NCOA7: variants seen among roughly 807,000 people sequenced by gnomAD.
NCOA7 encodes the protein 140 kDa estrogen receptor-associated protein.
In NCOA7, 45 loss-of-function variants were observed where a neutral mutation model predicts 104.3. The observed-to-expected ratio is 0.43, with a 90% confidence interval of 0.34 to 0.55. NCOA7 has a LOEUF of 0.55. NCOA7 is among the 20% of genes least tolerant of loss of function. NCOA7 has a pLI of 0.02. For missense variants in NCOA7, 1,041 were observed against 1,119.7 expected (o/e 0.93, Z 1.00); for synonymous variants, 398 against 402.3 (o/e 0.99, Z 0.13).
At chr6:125,915,595 A>C in intron 11 of NCOA7, 115 bp downstream of exon 11, 1 of 1,273,188 alleles carries the variant, frequency 7.9e-7, no homozygotes, top group Non-Finnish European at 1.1e-6. Flanking sequence ...GCACCTATGA[A>C]ATTACAGAGG....
At chr6:125,879,433 T>A (rs1444248366) in intron 5 of NCOA7, among the ~76,000 whole-genome samples, 1 of 152,234 alleles carries the variant, frequency 6.6e-6, no homozygotes. Context: ...TCAGAGTCAC[T>A]TTTATGGCCC....
chr6:125,902,966 C>T (rs778087712), intron 10 of NCOA7, among the ~76,000 whole-genome samples: 4 of 152,176 alleles, frequency 2.6e-5, no homozygotes, highest in Non-Finnish European at 4.4e-5. Context: ...GTTGCTGCTG[C>T]TGCTGCTATT....
Position 125,889,005 on chromosome 6 carries a change from G to T in NCOA7, c.951G>T (p.Lys317Asn). 1.9e-6 allele frequency: 3 copies of T among 1,614,004 alleles called. No individual in the cohort carries two copies. Among genetic ancestry groups the T allele is most frequent in the Non-Finnish European group, 2.5e-6 (3 of 1,179,960 alleles). Residue 317 changes from lysine to asparagine, a missense_variant, in exon 9 of 16, where the codon AAG (lysine) becomes AAT (asparagine). Around this residue, in one of 2 missense-constraint regions of NCOA7, gnomAD observed 914 missense variants for 942.7 expected, o/e 0.97. Coordinates refer to ENST00000392477, the MANE Select transcript of NCOA7 (RefSeq NM_181782.5). ...AATGGGAAGACCTGGCTTCAGAAAA[G>T]GATATCAACCCATTCAGTAAGTTCA... ...PGEWEDLASE[K>N]DINPFSKFKS...
At chr6:125,785,901 T>TAC (rs935815032) in intron 1 of NCOA7, among the ~76,000 whole-genome samples, 18 of 152,240 alleles carry the variant, frequency 1.2e-4, no homozygotes, top group African/African-American at 4.1e-4. Flanking sequence ...TCTTTCTCAG[T>TAC]ACACTCTGGT....
At chr6:125,895,790 C>T (rs925172637) in intron 10 of NCOA7, among the ~76,000 whole-genome samples, 1 of 151,922 alleles carries the variant, frequency 6.6e-6, no homozygotes, top group African/African-American at 2.4e-5. Context: ...ACCCAGATCT[C>T]GGGAGAACCC....
In NCOA7 at chr6:125,835,679, G is replaced by C. The variant is rs749220327; in HGVS notation, c.51-19341G>C. Among the ~76,000 whole-genome samples, 17 of 152,212 alleles carry C rather than the reference G, an allele frequency of 1.1e-4. 1 individual carries two copies. Among genetic ancestry groups the C allele is most frequent in the Non-Finnish European group, 2.4e-4 (16 of 68,042 alleles). The stretch of plus-strand genomic sequence containing the variant: ...AACTTAGAGCCGGTGCTAGGTTTTG[G>C]AGTAGTGGCTGCCACTGGCAGAGGC... On this transcript the variant is annotated intron_variant, in intron 2 of 15. Transcript: ENST00000392477.
At chr6:125,818,696 A>G (rs758953072) in intron 2 of NCOA7, 4 of 152,406 alleles carry the variant, frequency 2.6e-5, no homozygotes, top group South Asian at 2.1e-4. Flanking sequence ...ACCAAAGAGA[A>G]AAGAACCCCC....
At chr6:125,819,331 CCTTT>C (rs1402975090) in intron 2 of NCOA7, among the ~76,000 whole-genome samples, 4 of 151,858 alleles carry the variant, frequency 2.6e-5, no homozygotes, top group Admixed American at 1.3e-4. Flanking sequence ...CCCAGTCTTT[CCTTT>C]CTTATAATTT....
At chr6:125,850,004 T>C (rs944668929) in intron 2 of NCOA7, among the ~76,000 whole-genome samples, 4 of 152,194 alleles carry the variant, frequency 2.6e-5, no homozygotes, top group Admixed American at 6.5e-5. Flanking sequence ...TTTCAGTTTA[T>C]CTTAAGTTAA....
intron 2 of NCOA7, among the ~76,000 whole-genome samples, chr6:125,819,686 G>A (rs1384966498): frequency 6.6e-6 from 1 of 152,146 alleles, no homozygotes; most frequent in Non-Finnish European, 1.5e-5. Context: ...TACAATTTAT[G>A]CTATCCTCTG....
rs150517539 is a variant in NCOA7 at position 125,870,650 on chromosome 6, C to G, written c.272-4239C>G. ...CTTCACATCTGGCTGTCATGCCCCT[C>G]CAGGCCCCAGGCATACTGCTAGGTA... On this transcript the variant is annotated intron_variant, in intron 3 of 15. Transcript: ENST00000392477. Among the ~76,000 whole-genome samples the G allele has an allele frequency of 2.4e-3, 361 of 152,330 alleles. 1 individual carries two copies. Among genetic ancestry groups the G allele is most frequent in the African/African-American group, 8.2e-3 (339 of 41,574 alleles).
At chr6:125,874,565 A>G (rs895637543) in intron 3 of NCOA7, among the ~76,000 whole-genome samples, 6 of 152,314 alleles carry the variant, frequency 3.9e-5, no homozygotes, top group Admixed American at 2.6e-4. Context: ...GACTGTACTC[A>G]TTTACATTAG....
At position 125,928,963 on chromosome 6, in the gene NCOA7, A is replaced by G. The variant is rs1788289871; in HGVS notation, c.*192A>G. ...TCCATGTAGAGGGCAGACATTGAAG[A>G]AAGAAACTTAAAATCCAGGTTGTTG... On this transcript the variant is annotated 3_prime_UTR_variant, in exon 16 of 16. Transcript: ENST00000392477. 4.0e-6 allele frequency: 2 copies of G among 500,790 alleles called. No homozygotes were observed. Among genetic ancestry groups the G allele is most frequent in the African/African-American group, 4.0e-5 (2 of 50,304 alleles). The allele number at this position is 500,790 out of a possible 1,614,324, so 31.0% of individuals were successfully genotyped here. A position where few individuals can be genotyped will look rare whatever the true frequency, so the allele number is the denominator to read the frequency against.
At chr6:125,801,070 A>G (rs1056867880) in intron 1 of NCOA7, among the ~76,000 whole-genome samples, 2 of 152,222 alleles carry the variant, frequency 1.3e-5, no homozygotes, top group Non-Finnish European at 2.9e-5. Context: ...GACACAAGGT[A>G]GCATAAGTGT....
intron 2 of NCOA7, among the ~76,000 whole-genome samples, chr6:125,835,426 T>C (rs80341060): frequency 0.011 from 1,628 of 152,082 alleles, 22 homozygotes; most frequent in East Asian, 0.034. Flanking sequence ...TTCACATAAG[T>C]AAAAAGTCCC....
intron 10 of NCOA7, among the ~76,000 whole-genome samples, chr6:125,903,775 AG>A (rs1264779218): frequency 6.7e-6 from 1 of 149,936 alleles, no homozygotes; most frequent in African/African-American, 2.5e-5. Flanking sequence ...GCATGATCTC[AG>A]CTCACTGCAA....
At chr6:125,906,304 C>T (rs772005135) in intron 10 of NCOA7, among the ~76,000 whole-genome samples, 4 of 152,088 alleles carry the variant, frequency 2.6e-5, no homozygotes, top group African/African-American at 4.8e-5. Flanking sequence ...GAGAATCTTC[C>T]ATTCCGAGAG....
intron 10 of NCOA7, among the ~76,000 whole-genome samples, chr6:125,909,273 C>T (rs192460979): frequency 1.3e-5 from 2 of 152,284 alleles, no homozygotes; most frequent in African/African-American, 4.8e-5. Context: ...ATTCAGAGCC[C>T]TCATTCTCTG....
At position 125,928,715 on chromosome 6, in the gene NCOA7, C is replaced by T; in HGVS notation, c.2773C>T (p.Leu925Phe). 6.2e-7 allele frequency: 1 copy of T among 1,610,310 alleles called. No homozygotes were observed. The highest frequency in any genetic ancestry group is 2.2e-5 in the East Asian group (1 of 44,626). The change falls in exon 16 of 16, where the codon CTT becomes TTT. Residue 925 changes from leucine (L) to phenylalanine (F), a missense_variant. Leu to Phe is a conservative substitution (Grantham distance 22, BLOSUM62 0). Around this residue, in one of 2 missense-constraint regions of NCOA7, gnomAD observed 127 missense variants for 177.0 expected, o/e 0.72. Coordinates refer to ENST00000392477, the MANE Select transcript of NCOA7 (RefSeq NM_181782.5). The part of the protein sequence containing the change: ...NSCSTFNNDI[L>F]SKKEDFIVQD... ...TTGCAGCACTTTCAATAATGATATT[C>T]TTTCCAAAAAGGAAGACTTCATAGT...
Sources: allele counts gnomAD v4.1 joint callset (sites outside exome capture counted in the v4.1 genomes callset), GRCh38; gene constraint gnomAD v4.1.1; regional missense constraint gnomAD v4.1.1; transcripts MANE v1.5; gene names NCBI Gene and HGNC (gene_info 2026-07-23, HGNC 2026-07-21).